Variants in SORCS3 observed in about 807,000 individuals in gnomAD.
SORCS3 encodes sortilin related VPS10 domain containing receptor 3, also known as VPS10 domain-containing receptor SorCS3.
A neutral mutation model predicts 146.3 loss-of-function variants in SORCS3; 57 were observed. The ratio of observed to expected loss-of-function variants is 0.39; its 90% CI spans 0.31 to 0.49. SORCS3 has a LOEUF of 0.49. Among genes scored for constraint, SORCS3 ranks in the 20% least tolerant of loss-of-function variants. The pLI is 0.92. For missense variants in SORCS3, 1,341 were observed against 1,575.5 expected, an observed-to-expected ratio of 0.85 and a Z score of 2.52; for synonymous variants, 653 against 618.5, an observed-to-expected ratio of 1.06 and a Z score of -0.83.
intron 14 of SORCS3, among the ~76,000 whole-genome samples, chr10:105,181,684 A>T (rs2056443784): frequency 6.6e-6 from 1 of 152,164 alleles, no homozygotes; most frequent in South Asian, 2.1e-4. Flanking sequence ...TCCCCCTGGT[A>T]ACTGTAATGG....
intron 2 of SORCS3, among the ~76,000 whole-genome samples, chr10:104,886,116 C>T (rs929511137): frequency 2.0e-5 from 3 of 152,106 alleles, no homozygotes; most frequent in Non-Finnish European, 4.4e-5. Context: ...TCTGTTGGCT[C>T]CATGCTCCAT....
At chr10:105,243,597 C>T (rs1231632027) in intron 20 of SORCS3, among the ~76,000 whole-genome samples, 2 of 152,196 alleles carry the variant, frequency 1.3e-5, no homozygotes, top group African/African-American at 2.4e-5. Flanking sequence ...TGTGTGTCAT[C>T]ACCCAGTCAT....
At chr10:104,738,660 A>G (rs2016805666) in intron 1 of SORCS3, among the ~76,000 whole-genome samples, 1 of 152,202 alleles carries the variant, frequency 6.6e-6, no homozygotes, top group Non-Finnish European at 1.5e-5. Flanking sequence ...TTTGAGGCAG[A>G]CACGTGTGAC....
intron 5 of SORCS3, among the ~76,000 whole-genome samples, chr10:105,051,521 A>G (rs1170994670): frequency 6.6e-6 from 1 of 152,132 alleles, no homozygotes; most frequent in African/African-American, 2.4e-5. Context: ...TTAAAGACTC[A>G]GCTGCCAAGT....
chr10:104,889,211 C>T (rs1475050982), intron 2 of SORCS3, among the ~76,000 whole-genome samples: 1 of 148,750 alleles, frequency 6.7e-6, no homozygotes, highest in Non-Finnish European at 1.5e-5. Flanking sequence ...CTTTTAGACA[C>T]CATCTAGTTG....
At chr10:104,891,605 T>A (rs1011941319) in intron 2 of SORCS3, among the ~76,000 whole-genome samples, 3 of 152,200 alleles carry the variant, frequency 2.0e-5, no homozygotes, top group Non-Finnish European at 2.9e-5. Flanking sequence ...TCCTTCATTG[T>A]CTTGGTGTCC....
At chr10:105,244,047 A>G (rs1386714925) in intron 20 of SORCS3, among the ~76,000 whole-genome samples, 1 of 152,120 alleles carries the variant, frequency 6.6e-6, no homozygotes, top group Non-Finnish European at 1.5e-5. Flanking sequence ...TCCTGACACA[A>G]AGAGAGGAGA....
At chr10:105,145,415 T>C (rs1448956369) in intron 8 of SORCS3, among the ~76,000 whole-genome samples, 1 of 151,592 alleles carries the variant, frequency 6.6e-6, no homozygotes, top group African/African-American at 2.4e-5. Context: ...TAACCTAATA[T>C]GCACTCACAG....
At chr10:104,765,277 G>T (rs941031954) in intron 1 of SORCS3, among the ~76,000 whole-genome samples, 2 of 152,162 alleles carry the variant, frequency 1.3e-5, no homozygotes, top group Admixed American at 1.3e-4. Flanking sequence ...TAAGCCCCTT[G>T]CCCTTATGGG....
intron 5 of SORCS3, among the ~76,000 whole-genome samples, chr10:105,071,761 C>G (rs2055557950): frequency 6.6e-6 from 1 of 152,108 alleles, no homozygotes; most frequent in Non-Finnish European, 1.5e-5. Context: ...AATAGTAGGT[C>G]TTATTTATTC....
intron 3 of SORCS3, among the ~76,000 whole-genome samples, chr10:104,933,099 C>T (rs1235148169): frequency 1.3e-5 from 2 of 152,124 alleles, no homozygotes; most frequent in Non-Finnish European, 2.9e-5. Flanking sequence ...TAATACTTCC[C>T]TAGATCAGCA....
rs148245033 is a variant in SORCS3, at chr10:105,238,193, A to G, written c.2869-7349A>G. Among the ~76,000 whole-genome samples the G allele has an allele frequency of 2.0e-3, 299 of 152,336 alleles. 1 individual carries two copies. Among genetic ancestry groups the G allele is most frequent in the African/African-American group, 6.5e-3 (269 of 41,574 alleles). Reference sequence around the variant, plus strand: ...CTATCAGTGGGCAATGTGAAATTTCATCAGTACTTTTGTGGATCTTTTTTA... The same window carrying G: ...CTATCAGTGGGCAATGTGAAATTTCGTCAGTACTTTTGTGGATCTTTTTTA... On this transcript the variant is annotated intron_variant, in intron 20 of 26. Transcript: ENST00000369701.
At chr10:104,693,111 T>C (rs2016133719) in intron 1 of SORCS3, among the ~76,000 whole-genome samples, 1 of 152,180 alleles carries the variant, frequency 6.6e-6, no homozygotes, top group Non-Finnish European at 1.5e-5. Context: ...GATTCACAAA[T>C]AGTTTTAATA....
At chr10:105,001,641 G>A (rs1196693616) in intron 4 of SORCS3, among the ~76,000 whole-genome samples, 1 of 152,184 alleles carries the variant, frequency 6.6e-6, no homozygotes, top group East Asian at 1.9e-4. Context: ...TGTTCTCTGG[G>A]AGGATGCCTA....
chr10:105,036,642 A>G (rs1212647232), intron 4 of SORCS3, among the ~76,000 whole-genome samples: 1 of 152,162 alleles, frequency 6.6e-6, no homozygotes, highest in Non-Finnish European at 1.5e-5. Flanking sequence ...CTTTCTGAGG[A>G]AGGAACTGAA....
chr10:104,681,929 C>A (rs947782732), intron 1 of SORCS3, among the ~76,000 whole-genome samples: 3 of 152,074 alleles, frequency 2.0e-5, no homozygotes, highest in African/African-American at 7.2e-5. Flanking sequence ...TTTTTTCCTG[C>A]CTTAGTTTTC....
intron 1 of SORCS3, among the ~76,000 whole-genome samples, chr10:104,823,420 T>C (rs1185977606): frequency 1.3e-5 from 2 of 152,170 alleles, no homozygotes; most frequent in African/African-American, 4.8e-5. Context: ...TTCTGTTCCA[T>C]TTGCAGTTTT....
intron 1 of SORCS3, among the ~76,000 whole-genome samples, chr10:104,799,606 T>C (rs1046169930): frequency 2.0e-4 from 30 of 151,922 alleles, no homozygotes; most frequent in African/African-American, 7.0e-4. Flanking sequence ...TGATGGGTTG[T>C]TGGCTGCAAC....
intron 1 of SORCS3, among the ~76,000 whole-genome samples, chr10:104,645,952 C>A (rs2015490603): frequency 6.6e-6 from 1 of 152,196 alleles, no homozygotes; most frequent in Non-Finnish European, 1.5e-5. Flanking sequence ...TATCTTAATG[C>A]ATTCTGCCTT....
Sources: allele counts gnomAD v4.1 joint callset (sites outside exome capture counted in the v4.1 genomes callset), GRCh38; gene constraint gnomAD v4.1.1; transcripts MANE v1.5; gene names NCBI Gene and HGNC (gene_info 2026-07-23, HGNC 2026-07-21).